Variants in MTMR10 observed in about 807,000 individuals in gnomAD.
MTMR10 encodes myotubularin related protein 10.
MTMR10 carries 56 observed loss-of-function variants against 88.1 expected under a neutral mutation model. The observed-to-expected ratio is 0.64, with a 90% CI of 0.51 to 0.79. The LOEUF is 0.79. Among genes scored for constraint, MTMR10 ranks in the 30% least tolerant of loss-of-function variants. MTMR10 has a pLI of 0.00. For synonymous variants in MTMR10, 380 were observed against 340.9 expected (o/e 1.11, Z -1.26); for missense variants, 883 against 924.7 (o/e 0.95, Z 0.58).
the MTMR10 span, chr15:30,928,071 G>A: frequency 2.0e-6 from 2 of 1,000,336 alleles, no homozygotes; most frequent in South Asian, 8.7e-5. Flanking sequence ...CACCTGCTGA[G>A]GCCAAGAACG....
In MTMR10 at chr15:30,940,518, A is replaced by ATAGTT. The variant is rs1263603122; in HGVS notation, c.*947_*951dup. ...TTATTTCCAGGGGGAAGTGCCAGCA[A>ATAGTT]TAGTTTACCACACTGGAAATACTGA... On this transcript the variant is annotated 3_prime_UTR_variant, in exon 16 of 16. Transcript: ENST00000435680. The ATAGTT allele has an allele frequency of 1.0e-6, 1 of 985,350 alleles. No individual in the cohort carries two copies. The allele number at this position is 985,350 out of a possible 1,614,324, so 61.0% of individuals were successfully genotyped here. A position where few individuals can be genotyped will look rare whatever the true frequency, so the allele number is the denominator to read the frequency against.
the MTMR10 span, chr15:30,922,100 G>A: frequency 3.6e-6 from 4 of 1,125,292 alleles, no homozygotes; most frequent in Non-Finnish European, 3.8e-6. Flanking sequence ...CTGTCAGTTC[G>A]GGGTCCTTGG....
the MTMR10 span, among the ~76,000 whole-genome samples, chr15:30,922,533 A>G: frequency 6.6e-6 from 1 of 152,328 alleles, no homozygotes; most frequent in African/African-American, 2.4e-5. Context: ...CCAGCACAGC[A>G]TGAGCATAGA....
intron 5 of MTMR10, among the ~76,000 whole-genome samples, chr15:30,970,012 T>C (rs193262794): frequency 6.6e-6 from 1 of 152,300 alleles, no homozygotes; most frequent in East Asian, 1.9e-4. Flanking sequence ...ACAGTTTCAA[T>C]ATAAAGCGTC....
chr15:30,985,073 T>C (rs957882783), intron 2 of MTMR10, among the ~76,000 whole-genome samples: 1 of 152,202 alleles, frequency 6.6e-6, no homozygotes, highest in East Asian at 1.9e-4. Flanking sequence ...TCATTATCGT[T>C]AGTCTTGGCA....
intron 14 of MTMR10, chr15:30,946,328 G>A (rs1231916924): frequency 5.8e-6 from 1 of 172,776 alleles, no homozygotes; most frequent in Admixed American, 6.1e-5. Context: ...TGAGACTAAA[G>A]GCATAAGTGT....
At chr15:30,968,117 G>A (rs2063493464) in intron 5 of MTMR10, 107 bp from the exon 6 acceptor site, 1 of 738,946 alleles carries the variant, frequency 1.4e-6, no homozygotes, top group Non-Finnish European at 2.2e-6. Context: ...AGTGATTATA[G>A]ATACTATTTA....
In MTMR10 at chr15:30,941,296, CTT is replaced by C. The variant is rs769585026; in HGVS notation, c.*172_*173del. On this transcript the variant is annotated 3_prime_UTR_variant, in exon 16 of 16. Coordinates refer to ENST00000435680, the MANE Select transcript of MTMR10 (RefSeq NM_017762.3). ...GGACAGGAACAAAATTTACATCTCT[CTT>C]AAAATAAGTGTGAAAGAAGCATGAT... is the stretch of plus-strand genomic sequence containing the variant. 8 of 1,515,824 alleles carry C rather than the reference CTT, an allele frequency of 5.3e-6. No homozygotes were observed. The highest frequency in any genetic ancestry group is 1.7e-4 in the Middle Eastern group (1 of 5,906). 93.9% of individuals were successfully genotyped at this position (1,515,824 alleles called of 1,614,324 possible).
At chr15:30,949,445 A>ATT (rs990599887) in intron 12 of MTMR10, 1 of 152,248 alleles carries the variant, frequency 6.6e-6, no homozygotes, top group African/African-American at 2.4e-5. Flanking sequence ...ATGATCCTGT[A>ATT]TGTAAAAACT....
intron 6 of MTMR10, 56 bp downstream of exon 6, chr15:30,967,864 A>G: frequency 7.2e-7 from 1 of 1,392,922 alleles, no homozygotes; most frequent in Non-Finnish European, 9.9e-7. Context: ...GGTAAACATA[A>G]GAGTAAAATT....
intron 5 of MTMR10, among the ~76,000 whole-genome samples, chr15:30,972,273 C>G (rs898947295): frequency 2.0e-5 from 3 of 152,104 alleles, no homozygotes; most frequent in Non-Finnish European, 4.4e-5. Context: ...TTTTAACTCA[C>G]AAAGCCGTCA....
chr15:30,982,541 C>G (rs1347111176), intron 2 of MTMR10, among the ~76,000 whole-genome samples: 1 of 152,052 alleles, frequency 6.6e-6, no homozygotes, highest in African/African-American at 2.4e-5. Context: ...GGGCCAGGGT[C>G]TTTTAAGCGC....
chr15:30,989,757 T>C (rs1308114495), intron 2 of MTMR10, among the ~76,000 whole-genome samples: 4 of 151,888 alleles, frequency 2.6e-5, no homozygotes, highest in Non-Finnish European at 5.9e-5. Context: ...TAATTTTTTT[T>C]TGTATTTTTA....
the MTMR10 span, among the ~76,000 whole-genome samples, chr15:30,919,027 T>G: frequency 6.6e-6 from 1 of 152,218 alleles, no homozygotes; most frequent in Non-Finnish European, 1.5e-5. Flanking sequence ...ATATGTTATA[T>G]GCATTATATG....
the MTMR10 span, chr15:30,925,926 C>T: frequency 6.2e-6 from 10 of 1,614,160 alleles, no homozygotes; most frequent in African/African-American, 2.7e-5. Context: ...ACAGACGCAG[C>T]GGTTTTGACC....
intron 3 of MTMR10, among the ~76,000 whole-genome samples, chr15:30,975,310 A>G (rs1371970638): frequency 6.6e-6 from 1 of 152,214 alleles, no homozygotes; most frequent in Non-Finnish European, 1.5e-5. Flanking sequence ...AGGTCATCAG[A>G]TTTTAAGTGG....
Position 30,987,680 on chromosome 15 carries a change from CT to C in MTMR10, c.121+3096del, listed in dbSNP as rs67815309. ...AATACCATATCTCTAACAATTAATT[CT>C]TTTTTTTTTTATTTTTTTTTTTAAG... On this transcript the variant is annotated intron_variant, in intron 2 of 15. Transcript: ENST00000435680. 5.3e-3 allele frequency among the ~76,000 whole-genome samples: 796 copies of C among 148,854 alleles called. 5 individuals are homozygous for C. Among genetic ancestry groups the C allele is most frequent in the African/African-American group, 0.018 (731 of 40,722 alleles).
rs1336252815 is a variant in MTMR10, at chr15:30,991,518, CT to C, written c.-13del. On this transcript the variant is annotated 5_prime_UTR_variant, in exon 1 of 16. Coordinates refer to ENST00000435680, the MANE Select transcript of MTMR10 (RefSeq NM_017762.3). ...TTGAGGGAGAACATGGTGCCGCCGCCTTTTCGCCCCGTTCCCGTCGCGGGCC... is the reference window on the plus strand; with the variant it reads ...TTGAGGGAGAACATGGTGCCGCCGCCTTTCGCCCCGTTCCCGTCGCGGGCC... 2.6e-6 allele frequency: 4 copies of C among 1,532,630 alleles called. No individual in the cohort carries two copies. Among genetic ancestry groups the C allele is most frequent in the South Asian group, 1.3e-5 (1 of 79,918 alleles). The allele number at this position is 1,532,630 out of a possible 1,614,324, so 94.9% of individuals were successfully genotyped here. A position where few individuals can be genotyped will look rare whatever the true frequency, so the allele number is the denominator to read the frequency against.
intron 1 of MTMR10, 32 bp from the exon 2 acceptor site, chr15:30,990,869 T>G: frequency 6.5e-7 from 1 of 1,547,210 alleles, no homozygotes. Flanking sequence ...AATCAAAATC[T>G]CAATCCCCCC....
Sources: gnomAD v4.1 joint callset for allele counts (sites outside exome capture counted in the v4.1 genomes callset) on GRCh38, gnomAD v4.1.1 for gene constraint, MANE v1.5 for transcripts, NCBI Gene and HGNC (gene_info 2026-07-23, HGNC 2026-07-21) for gene names.